The following LRRC9 variants were observed in gnomAD, a reference collection of about 807,000 sequenced individuals.
LRRC9 encodes leucine rich repeat containing 9, also known as leucine-rich repeat-containing protein 9.
In LRRC9, 122 loss-of-function variants were observed where a neutral mutation model predicts 63.2. That is an observed-to-expected ratio of 1.93 (90% CI 1.67 to 2.24). The LOEUF (loss-of-function observed/expected upper bound fraction) is 2.24. LRRC9 is among the 30% of genes most tolerant of loss of function. The pLI is 0.00. For missense variants in LRRC9, 1,071 were observed against 627.7 expected (o/e 1.71, Z -7.55); for synonymous variants, 366 against 213.1 (o/e 1.72, Z -6.25).
chr14:60,010,175 T>G (rs1890148179), intron 23 of LRRC9, among the ~76,000 whole-genome samples: 1 of 152,180 alleles, frequency 6.6e-6, no homozygotes. Context: ...CCACATTTCT[T>G]TTTGGCACTG....
At position 59,967,246 on chromosome 14, in the gene LRRC9, C is replaced by T. The variant is rs748780284; in HGVS notation, c.1506+33C>T. On this transcript the variant is annotated intron_variant, in intron 12 of 31. Coordinates refer to ENST00000445360, the Ensembl canonical transcript of LRRC9. The stretch of plus-strand genomic sequence containing the variant: ...AAAATGTCATTTAGAATAATGCTTT[C>T]TTCCTAGCAAGTGGAGCTCTGCCGC... 9.0e-6 allele frequency: 5 copies of T among 553,868 alleles called. No homozygotes were observed. The Middle Eastern group carries it at 1.1e-3, about 120-fold the overall frequency. 34.3% of individuals were successfully genotyped at this position (553,868 alleles called of 1,614,324 possible).
At position 59,954,311 on chromosome 14, in the gene LRRC9, A is replaced by AT. The variant is rs916710386; in HGVS notation, c.883-5499dup. ...ATCCATGAGCATGGAATGTTTTTCC[A>AT]TTTTTTTTGTGTCCTCTCTTATTTC... On this transcript the variant is annotated intron_variant, in intron 8 of 31. Coordinates refer to ENST00000445360, the Ensembl canonical transcript of LRRC9. Among the ~76,000 whole-genome samples, 73 of 151,830 alleles carry AT rather than the reference A, an allele frequency of 4.8e-4. 2 individuals are homozygous for AT. In the South Asian group the frequency reaches 5.8e-3, roughly 12 times the overall value.
At chr14:59,928,292 G>C (rs1342822254) in exon 3 of LRRC9, 1 of 624,092 alleles carries the variant, frequency 1.6e-6, no homozygotes, top group Non-Finnish European at 2.8e-6. Context: ...CTTATCTTAT[G>C]AGATGGTTGG....
At chr14:59,968,725 G>GT (rs1301232164) in intron 12 of LRRC9, among the ~76,000 whole-genome samples, 1 of 152,168 alleles carries the variant, frequency 6.6e-6, no homozygotes, top group Admixed American at 6.6e-5. Flanking sequence ...TCGGGAGAGG[G>GT]TAAGGGAAGG....
intron 6 of LRRC9, among the ~76,000 whole-genome samples, chr14:59,937,345 C>T (rs1890223471): frequency 6.6e-6 from 1 of 151,822 alleles, no homozygotes; most frequent in Non-Finnish European, 1.5e-5. Flanking sequence ...GGACCAAAGC[C>T]CATATAGACC....
rs540381626 is a variant in LRRC9, at chr14:59,922,083, C to CA, written c.-34+2210dup. Among the ~76,000 whole-genome samples the CA allele has an allele frequency of 0.064, 8,611 of 133,668 alleles. 351 individuals are homozygous for CA. Among genetic ancestry groups the CA allele is most frequent in the Middle Eastern group, 0.1 (27 of 270 alleles). 87.7% of individuals were successfully genotyped at this position (133,668 alleles called of 152,430 possible). On this transcript the variant is annotated intron_variant, in intron 1 of 31. Coordinates refer to ENST00000445360, the Ensembl canonical transcript of LRRC9. This position sits in a 1 kb window ranked among gnomAD's most constrained non-coding sequence, Gnocchi z 5.3. ...TGGGCAGCAAAGTGAGATTCTGTCT[C>CA]AAAAAAAAAATAAATAAATAAATAA...
In LRRC9 at chr14:60,018,233, CATTAA is replaced by C. The variant is rs1890850140; in HGVS notation, c.3318-136_3318-132del. On this transcript the variant is annotated intron_variant, in intron 24 of 31. Transcript: ENST00000445360. ...CCGATCATTTAACCAATTCATTTTA[CATTAA>C]AGTAATTATTTTTATACTTGTCAGG... The C allele has an allele frequency of 3.7e-5, 22 of 599,858 alleles. No individual in the cohort carries two copies. In the South Asian group the frequency reaches 4.1e-4, roughly 11 times the overall value. 37.2% of individuals were successfully genotyped at this position (599,858 alleles called of 1,614,324 possible).
At chr14:59,935,788 A>C (rs918370537) in intron 6 of LRRC9, among the ~76,000 whole-genome samples, 2 of 152,216 alleles carry the variant, frequency 1.3e-5, no homozygotes, top group Admixed American at 6.5e-5. Context: ...GTGGAGGCTC[A>C]AGGTGGTTGA....
chr14:59,930,939 T>C lies in LRRC9; in HGVS notation c.289T>C (p.Cys97Arg). 2.3e-6 allele frequency: 1 copy of C among 443,074 alleles called. No individual in the cohort carries two copies. Among genetic ancestry groups the C allele is most frequent in the East Asian group, 3.7e-5 (1 of 27,078 alleles). 27.4% of individuals were successfully genotyped at this position (443,074 alleles called of 1,614,324 possible). Reference sequence around the variant, plus strand: ...ACAGAAAATTGAAGGTCTTCAAGAATGTAGAAATTTGGAAAAACTATATTT... The same window carrying C: ...ACAGAAAATTGAAGGTCTTCAAGAACGTAGAAATTTGGAAAAACTATATTT... Residue 97 changes from cysteine to arginine, a missense_variant, in exon 4 of 32, where the codon TGT becomes CGT. Transcript: ENST00000445360. The surrounding 1 kb of genome is among the most constrained non-coding windows in gnomAD (Gnocchi z 4.9).
In LRRC9 at chr14:59,986,117, T is replaced by A. The variant is rs938150606; in HGVS notation, c.2211+893T>A. Among the ~76,000 whole-genome samples the A allele has an allele frequency of 6.6e-6, 1 of 152,148 alleles. No homozygotes were observed. Among genetic ancestry groups the A allele is most frequent in the Non-Finnish European group, 1.5e-5 (1 of 67,988 alleles). On this transcript the variant is annotated intron_variant, in intron 17 of 31. Transcript: ENST00000445360. This position sits in a 1 kb window ranked among gnomAD's most constrained non-coding sequence, Gnocchi z 4.7. ...TTGACCTGAATATCACATGCATAGA[T>A]CTTGTTGAATTTGTGTTTGCCTTCT... is the stretch of plus-strand genomic sequence containing the variant.
chr14:59,995,188 A>G (rs1888624283), intron 17 of LRRC9, among the ~76,000 whole-genome samples: 1 of 152,204 alleles, frequency 6.6e-6, no homozygotes, highest in Non-Finnish European at 1.5e-5. Flanking sequence ...TAAACAAGAT[A>G]TCCACATAAG....
rs1894441997 is a variant in LRRC9, at chr14:60,058,549, TA to T, written c.4276+531del. 6.6e-6 allele frequency among the ~76,000 whole-genome samples: 1 copy of T among 152,182 alleles called. No individual in the cohort carries two copies. Among genetic ancestry groups the T allele is most frequent in the Admixed American group, 6.5e-5 (1 of 15,282 alleles). The stretch of plus-strand genomic sequence containing the variant: ...TAGAGTTTTAAAAGAGGGAGTGTAT[TA>T]AAAGAACAAGCATGGAAGTGGTTTA... On this transcript the variant is annotated intron_variant, in intron 31 of 31. Coordinates refer to ENST00000445360, the Ensembl canonical transcript of LRRC9. This position sits in a 1 kb window ranked among gnomAD's most constrained non-coding sequence, Gnocchi z 4.4.
At chr14:60,008,059 C>A in intron 22 of LRRC9, 33 bp from the exon 23 acceptor site, 3 of 611,462 alleles carry the variant, frequency 4.9e-6, no homozygotes, top group South Asian at 1.9e-5. Flanking sequence ...TTTAAATATA[C>A]ATATAGATGA....
intron 12 of LRRC9, among the ~76,000 whole-genome samples, chr14:59,967,796 T>C (rs1184305146): frequency 6.6e-6 from 1 of 152,234 alleles, no homozygotes; most frequent in Non-Finnish European, 1.5e-5. Flanking sequence ...CATAAAATGA[T>C]AATATTCCTG....
At chr14:60,019,945 TC>T (rs1214430250) in intron 26 of LRRC9, among the ~76,000 whole-genome samples, 1 of 151,740 alleles carries the variant, frequency 6.6e-6, no homozygotes, top group Middle Eastern at 3.2e-3. Flanking sequence ...TAAAGAACAT[TC>T]CTTGTGCTTT....
chr14:59,986,601 T>A lies in LRRC9; in HGVS notation c.2211+1377T>A. ...TGTAGATTGTTGGTATTTTTATTTT[T>A]TTCTATTTATTTGCCAGCACTTCCA... is the stretch of plus-strand genomic sequence containing the variant. On this transcript the variant is annotated intron_variant, in intron 17 of 31. Coordinates refer to ENST00000445360, the Ensembl canonical transcript of LRRC9. The surrounding 1 kb of genome is among the most constrained non-coding windows in gnomAD (Gnocchi z 4.7). 6.6e-6 allele frequency among the ~76,000 whole-genome samples: 1 copy of A among 152,330 alleles called. No homozygotes were observed. The highest frequency in any genetic ancestry group is 2.1e-4 in the South Asian group (1 of 4,830).
intron 26 of LRRC9, 97 bp downstream of exon 26, chr14:60,019,357 T>A: frequency 4.1e-6 from 2 of 490,002 alleles, no homozygotes; most frequent in Non-Finnish European, 7.3e-6. Context: ...TTCCAGTACA[T>A]AAAATTTAGC....
intron 29 of LRRC9, among the ~76,000 whole-genome samples, chr14:60,036,606 C>G (rs1892455671): frequency 6.6e-6 from 1 of 152,068 alleles, no homozygotes; most frequent in Non-Finnish European, 1.5e-5. Flanking sequence ...AGGTATATTG[C>G]AAAGCTGGAT....
At position 59,942,217 on chromosome 14, in the gene LRRC9, T is replaced by C. The variant is rs573346144; in HGVS notation, c.727-2372T>C. Reference sequence around the variant, plus strand: ...GTGTGTGTGTAATGTGATATATATATATTACATTTTCTTTATCCATTCACC... The same window carrying C: ...GTGTGTGTGTAATGTGATATATATACATTACATTTTCTTTATCCATTCACC... On this transcript the variant is annotated intron_variant, in intron 7 of 31. Transcript: ENST00000445360. This position sits in a 1 kb window ranked among gnomAD's most constrained non-coding sequence, Gnocchi z 5.3. Among the ~76,000 whole-genome samples the C allele has an allele frequency of 6.6e-6, 1 of 152,156 alleles. No homozygotes were observed. Among genetic ancestry groups the C allele is most frequent in the East Asian group, 1.9e-4 (1 of 5,192 alleles).
Sources: gnomAD v4.1 joint callset for allele counts (sites outside exome capture counted in the v4.1 genomes callset) on GRCh38, gnomAD v4.1.1 for gene constraint, Gnocchi (gnomAD v3.1) non-coding constraint, MANE v1.5 for transcripts, NCBI Gene and HGNC (gene_info 2026-07-23, HGNC 2026-07-21) for gene names.